The following OSBPL1A variants were observed in gnomAD, a reference collection of about 807,000 sequenced individuals.
OSBPL1A encodes the protein oxysterol-binding protein-related protein 1.
A neutral mutation model predicts 137.1 loss-of-function variants in OSBPL1A; 80 were observed. The ratio of observed to expected loss-of-function variants is 0.58; its 90% confidence interval spans 0.49 to 0.70. The LOEUF (loss-of-function observed/expected upper bound fraction) is 0.70. OSBPL1A is among the 30% of genes least tolerant of loss of function. The probability of loss-of-function intolerance (pLI) is 0.00; values close to 1 mark genes in which losing one functional copy is unlikely to be tolerated. For synonymous variants in OSBPL1A, 365 were observed against 389.7 expected, an observed-to-expected ratio of 0.94 and a Z score of 0.75; for missense variants, 970 against 1,129.4, an observed-to-expected ratio of 0.86 and a Z score of 2.02.
intron 15 of OSBPL1A, chr18:24,272,073 G>T (rs760409076): frequency 8.0e-4 from 781 of 982,244 alleles, no homozygotes; most frequent in Non-Finnish European, 9.1e-4. Context: ...CGCCGCTGGC[G>T]GGCGGAGGCG....
chr18:24,196,142 T>C lies in OSBPL1A; in HGVS notation c.1660A>G (p.Arg554Gly), dbSNP rs1399747799. 6.2e-7 allele frequency: 1 copy of C among 1,610,848 alleles called. No homozygotes were observed. Among genetic ancestry groups the C allele is most frequent in the African/African-American group, 1.3e-5 (1 of 74,900 alleles). The change falls in exon 18 of 28, where the codon AGA becomes GGA. Residue 554 changes from arginine (R) to glycine (G), a missense_variant. Around this residue, in one of 2 missense-constraint regions of OSBPL1A, gnomAD observed 647 missense variants for 672.6 expected, o/e 0.96. Transcript: ENST00000319481. ...RNDFSIWSILRKCIGMELSKI... is the reference protein window; with the variant it reads ...RNDFSIWSILGKCIGMELSKI... ...TAATTTACCATTCCAATACATTTTC[T>C]GAGGATGCTCCAGATACTGAAGTCA...
intron 15 of OSBPL1A, among the ~76,000 whole-genome samples, chr18:24,263,399 A>C (rs963357426): frequency 2.0e-5 from 3 of 152,210 alleles, no homozygotes; most frequent in Admixed American, 6.5e-5. Context: ...TACGATGGTA[A>C]ATCATATGTA....
chr18:24,311,867 A>G, intron 13 of OSBPL1A, 117 bp downstream of exon 13: 1 of 1,190,442 alleles, frequency 8.4e-7, no homozygotes, highest in Non-Finnish European at 1.2e-6. Context: ...GAACAGTACT[A>G]TTTCTATTGT....
intron 15 of OSBPL1A, among the ~76,000 whole-genome samples, chr18:24,274,189 G>GTGTCGC (rs2089791105): frequency 2.0e-5 from 3 of 147,068 alleles, no homozygotes; most frequent in African/African-American, 7.6e-5. Flanking sequence ...AGCCAAGACT[G>GTGTCGC]TGTCGCTGTA....
rs990818478 is a variant in OSBPL1A, at chr18:24,266,409, T to C, written c.1281+14433A>G. On this transcript the variant is annotated intron_variant, in intron 15 of 27. Coordinates refer to ENST00000319481, the MANE Select transcript of OSBPL1A (RefSeq NM_080597.4). ...GAAGAAGGAAAGGGGGAGATGAATA[T>C]GTTGAGCAGATGGAAAAATCCTCAA... Among the ~76,000 whole-genome samples, 6 of 152,100 alleles carry C rather than the reference T, an allele frequency of 3.9e-5. No individual in the cohort carries two copies. In the East Asian group the frequency reaches 9.6e-4, roughly 24 times the overall value.
At chr18:24,289,856 G>T (rs1386541766) in intron 14 of OSBPL1A, among the ~76,000 whole-genome samples, 1 of 152,096 alleles carries the variant, frequency 6.6e-6, no homozygotes, top group Non-Finnish European at 1.5e-5. Context: ...AAAATGGAAA[G>T]AATAGTTGTA....
intron 13 of OSBPL1A, among the ~76,000 whole-genome samples, chr18:24,308,719 G>T (rs368806087): frequency 6.6e-6 from 1 of 152,028 alleles, no homozygotes; most frequent in African/African-American, 2.4e-5. Context: ...TGGCTACTGA[G>T]CACTTGAAAT....
At chr18:24,168,028 A>T (rs2086185719) in intron 24 of OSBPL1A, among the ~76,000 whole-genome samples, 1 of 152,160 alleles carries the variant, frequency 6.6e-6, no homozygotes, top group African/African-American at 2.4e-5. Flanking sequence ...CATTATCATC[A>T]TCACTCGTTC....
intron 15 of OSBPL1A, among the ~76,000 whole-genome samples, chr18:24,264,102 A>G (rs2089509715): frequency 6.6e-6 from 1 of 152,252 alleles, no homozygotes; most frequent in Admixed American, 6.5e-5. Flanking sequence ...ATGAAATTAC[A>G]ATACAGTTCC....
intron 14 of OSBPL1A, among the ~76,000 whole-genome samples, chr18:24,281,456 C>T (rs965208063): frequency 1.9e-4 from 28 of 151,348 alleles, no homozygotes; most frequent in African/African-American, 6.1e-4. Flanking sequence ...GGAGTAATCT[C>T]GGCTTATTGT....
intron 4 of OSBPL1A, among the ~76,000 whole-genome samples, chr18:24,355,606 G>A (rs2091520161): frequency 6.6e-6 from 1 of 152,044 alleles, no homozygotes; most frequent in African/African-American, 2.4e-5. Flanking sequence ...CTGATCCTAG[G>A]ACCCATCCAA....
At chr18:24,359,285 G>T (rs1364351843) in intron 4 of OSBPL1A, among the ~76,000 whole-genome samples, 3 of 151,560 alleles carry the variant, frequency 2.0e-5, no homozygotes, top group Non-Finnish European at 4.4e-5. Context: ...AGGGGGTCTT[G>T]TTATGTTGCC....
chr18:24,366,912 C>A lies in OSBPL1A; in HGVS notation c.262G>T (p.Ala88Ser). 1.9e-6 allele frequency: 3 copies of A among 1,611,898 alleles called. No individual in the cohort carries two copies. Among genetic ancestry groups the A allele is most frequent in the Non-Finnish European group, 2.5e-6 (3 of 1,178,986 alleles). Residue 88 changes from alanine (A) to serine (S), a missense_variant, in exon 4 of 28, where the codon GCT (alanine) becomes TCT (serine). By Grantham distance (99) the Ala-to-Ser change is moderately conservative (BLOSUM62 1). Around this residue, in one of 2 missense-constraint regions of OSBPL1A, gnomAD observed 647 missense variants for 672.6 expected, o/e 0.96. Coordinates refer to ENST00000319481, the MANE Select transcript of OSBPL1A (RefSeq NM_080597.4). ...NDMGDTPLHRAAFTGRKELVM... is the reference protein window; with the variant it reads ...NDMGDTPLHRSAFTGRKELVM... Reference sequence around the variant, plus strand: ...TTCACCTTTCGTCCTGTAAAGGCAGCTCGATGAAGCGGCGTGTCTCCCATG... The same window carrying A: ...TTCACCTTTCGTCCTGTAAAGGCAGATCGATGAAGCGGCGTGTCTCCCATG...
chr18:24,322,967 A>G (rs2851971), intron 7 of OSBPL1A, among the ~76,000 whole-genome samples: 3,592 of 152,324 alleles, frequency 0.024, 145 homozygotes, highest in African/African-American at 0.083. Context: ...TGCATGACAC[A>G]GATTTGTCCC....
In OSBPL1A at chr18:24,287,269, G is replaced by A. The variant is rs111645597; in HGVS notation, c.1175-6321C>T. ...TCCCCACCTTATGGTAAGTCCTTAT[G>A]AGAAAAACGGAGTCAATGAAGTAAA... On this transcript the variant is annotated intron_variant, in intron 14 of 27. Coordinates refer to ENST00000319481, the MANE Select transcript of OSBPL1A (RefSeq NM_080597.4). Among the ~76,000 whole-genome samples the A allele has an allele frequency of 8.5e-3, 1,291 of 152,308 alleles. 15 individuals are homozygous for A. Among genetic ancestry groups the A allele is most frequent in the African/African-American group, 0.03 (1,227 of 41,564 alleles).
At chr18:24,380,795 CA>C (rs1321343277) in intron 1 of OSBPL1A, among the ~76,000 whole-genome samples, 1 of 151,638 alleles carries the variant, frequency 6.6e-6, no homozygotes, top group African/African-American at 2.4e-5. Flanking sequence ...CTACTAAATG[CA>C]AAAAAATTAG....
chr18:24,258,769 C>T (rs950267175), intron 15 of OSBPL1A, among the ~76,000 whole-genome samples: 6 of 151,982 alleles, frequency 3.9e-5, no homozygotes, highest in African/African-American at 1.2e-4. Flanking sequence ...AAACAGAATG[C>T]TAAATTGCCT....
chr18:24,331,995 T>C (rs1162086109), intron 7 of OSBPL1A, among the ~76,000 whole-genome samples: 1 of 152,134 alleles, frequency 6.6e-6, no homozygotes, highest in African/African-American at 2.4e-5. Flanking sequence ...GAAGCTCTCC[T>C]ACTATAAACA....
chr18:24,328,020 G>A (rs2091010215), intron 7 of OSBPL1A, among the ~76,000 whole-genome samples: 1 of 144,354 alleles, frequency 6.9e-6, no homozygotes, highest in African/African-American at 2.5e-5. Flanking sequence ...AACTGGTAAA[G>A]ACACTAGAAA....
Sources: gnomAD v4.1 joint callset for allele counts (sites outside exome capture counted in the v4.1 genomes callset) on GRCh38, gnomAD v4.1.1 for gene constraint, gnomAD v4.1.1 regional missense constraint, MANE v1.5 for transcripts, NCBI Gene and HGNC (gene_info 2026-07-23, HGNC 2026-07-21) for gene names.